Variants in NOX4 observed in about 807,000 individuals in gnomAD.
NOX4 encodes NADPH oxidase 4.
NOX4 carries 69 observed loss-of-function variants against 87.6 expected under a neutral mutation model. That is an observed-to-expected ratio of 0.79 (90% CI 0.65 to 0.96). NOX4 has a LOEUF of 0.96. Among genes scored for constraint, NOX4 ranks in the 40% least tolerant of loss-of-function variants. The probability of loss-of-function intolerance (pLI) is 0.00; values close to 1 mark genes in which losing one functional copy is unlikely to be tolerated. For missense variants in NOX4, 680 were observed against 681.5 expected (o/e 1.00, Z 0.02); for synonymous variants, 275 against 238.2 (o/e 1.15, Z -1.42).
chr11:89,584,399 C>T, the NOX4 span, among the ~76,000 whole-genome samples: 1 of 152,136 alleles, frequency 6.6e-6, no homozygotes, highest in Admixed American at 6.6e-5. Context: ...ACCAGTTTTG[C>T]ACCATAATCA....
chr11:89,339,211 A>G (rs12800812), intron 15 of NOX4, among the ~76,000 whole-genome samples: 2 of 152,158 alleles, frequency 1.3e-5, no homozygotes, highest in African/African-American at 4.8e-5. Flanking sequence ...AAACTAGATA[A>G]ATCTATACAA....
At chr11:89,585,780 A>G in the NOX4 span, among the ~76,000 whole-genome samples, 59 of 152,302 alleles carry the variant, frequency 3.9e-4, no homozygotes, top group Middle Eastern at 6.8e-3. Context: ...TGTATAAGTC[A>G]TCCTTTAACC....
chr11:89,550,872 C>T, the NOX4 span, among the ~76,000 whole-genome samples: 116 of 151,148 alleles, frequency 7.7e-4, 1 homozygote, highest in Admixed American at 1.9e-3. Context: ...TTGCCCATGC[C>T]CATGGTATTG....
upstream of NOX4, among the ~76,000 whole-genome samples, chr11:89,494,524 A>C (rs1235058954): frequency 6.6e-6 from 1 of 152,210 alleles, no homozygotes; most frequent in Admixed American, 6.5e-5. Context: ...CTCCATTTTT[A>C]TTCTAGGACT....
At chr11:89,473,990 T>A (rs2135451124) in intron 2 of NOX4, among the ~76,000 whole-genome samples, 1 of 152,284 alleles carries the variant, frequency 6.6e-6, no homozygotes, top group South Asian at 2.1e-4. Context: ...GATATATACA[T>A]GTTAAAGCAT....
In NOX4 at chr11:89,402,596, G is replaced by A. The variant is rs1209114993; in HGVS notation, c.630-54C>T. On this transcript the variant is annotated intron_variant, in intron 8 of 17. Coordinates refer to ENST00000263317, the MANE Select transcript of NOX4 (RefSeq NM_016931.5). Reference sequence around the variant, plus strand: ...GAGAAATGAAAAGATTTGAGATCAGGGGACACGGTAAAAGAAAATAATGTT... The same window carrying A: ...GAGAAATGAAAAGATTTGAGATCAGAGGACACGGTAAAAGAAAATAATGTT... 1.4e-5 allele frequency: 18 copies of A among 1,310,450 alleles called. No homozygotes were observed. The South Asian group carries it at 2.2e-4, about 16-fold the overall frequency. The allele number at this position is 1,310,450 out of a possible 1,614,324, so 81.2% of individuals were successfully genotyped here. A position where few individuals can be genotyped will look rare whatever the true frequency, so the allele number is the denominator to read the frequency against.
intron 6 of NOX4, among the ~76,000 whole-genome samples, chr11:89,433,704 T>C (rs1174477713): frequency 6.6e-6 from 1 of 152,106 alleles, no homozygotes; most frequent in Admixed American, 6.6e-5. Flanking sequence ...ATATTTCTCC[T>C]TAGTATGAAA....
chr11:89,474,455 T>C (rs1242720249), intron 2 of NOX4, among the ~76,000 whole-genome samples: 1 of 51,030 alleles, frequency 2.0e-5, no homozygotes. Flanking sequence ...TGATCTATAA[T>C]ACCAAAAAAA....
At chr11:89,520,162 T>C in the NOX4 span, among the ~76,000 whole-genome samples, 1 of 151,926 alleles carries the variant, frequency 6.6e-6, no homozygotes, top group Non-Finnish European at 1.5e-5. Flanking sequence ...AGAGGGATAT[T>C]GGGTACACAA....
intron 8 of NOX4, among the ~76,000 whole-genome samples, chr11:89,408,627 C>A (rs1260045532): frequency 6.6e-6 from 1 of 152,126 alleles, no homozygotes; most frequent in Non-Finnish European, 1.5e-5. Context: ...TCTTTCCTGG[C>A]TCTTGCCTTT....
intron 2 of NOX4, among the ~76,000 whole-genome samples, chr11:89,462,975 T>C (rs1195811001): frequency 1.3e-5 from 2 of 151,910 alleles, no homozygotes; most frequent in African/African-American, 2.4e-5. Flanking sequence ...AATACATAGA[T>C]GTAAATTACT....
rs893922787 is a variant in NOX4 at position 89,481,819 on chromosome 11, T to C, written c.153+8639A>G. Reference sequence around the variant, plus strand: ...AATGGACTAGAACAGTCCACAGTTCTACAGGCTCCTCTCCCTCCAGGCTGA... The same window carrying C: ...AATGGACTAGAACAGTCCACAGTTCCACAGGCTCCTCTCCCTCCAGGCTGA... On this transcript the variant is annotated intron_variant, in intron 2 of 17. Transcript: ENST00000263317. 3.9e-5 allele frequency among the ~76,000 whole-genome samples: 6 copies of C among 152,080 alleles called. 1 individual carries two copies. Among genetic ancestry groups the C allele is most frequent in the Admixed American group, 1.3e-4 (2 of 15,248 alleles).
At chr11:89,541,413 C>A in the NOX4 span, among the ~76,000 whole-genome samples, 467 of 152,284 alleles carry the variant, frequency 3.1e-3, no homozygotes, top group Admixed American at 7.8e-3. Flanking sequence ...TCCTTTCAGT[C>A]TCTTCCAACA....
At chr11:89,440,465 A>G (rs1944407263) in intron 6 of NOX4, among the ~76,000 whole-genome samples, 1 of 151,884 alleles carries the variant, frequency 6.6e-6, no homozygotes, top group Non-Finnish European at 1.5e-5. Context: ...GATTACAGGC[A>G]CTTGCCACCC....
chr11:89,426,620 C>T (rs1159978871), intron 7 of NOX4, among the ~76,000 whole-genome samples: 3 of 152,176 alleles, frequency 2.0e-5, no homozygotes, highest in African/African-American at 4.8e-5. Context: ...GAACCTCACT[C>T]GTTGCTAGCA....
At chr11:89,583,134 C>G in the NOX4 span, among the ~76,000 whole-genome samples, 1 of 151,966 alleles carries the variant, frequency 6.6e-6, no homozygotes, top group Admixed American at 6.6e-5. Flanking sequence ...ACATTACAAA[C>G]AATGGCCAAA....
At chr11:89,420,302 G>C (rs987963370) in intron 8 of NOX4, among the ~76,000 whole-genome samples, 2 of 152,138 alleles carry the variant, frequency 1.3e-5, no homozygotes, top group African/African-American at 4.8e-5. Flanking sequence ...CATAGAGTAA[G>C]CATTATGTAA....
intron 12 of NOX4, among the ~76,000 whole-genome samples, chr11:89,366,985 T>C (rs1315985630): frequency 6.6e-6 from 1 of 152,138 alleles, no homozygotes; most frequent in Non-Finnish European, 1.5e-5. Context: ...GTAGTACACA[T>C]ATAATGTGCC....
intron 2 of NOX4, among the ~76,000 whole-genome samples, chr11:89,456,676 C>A (rs1945214766): frequency 1.3e-5 from 2 of 152,124 alleles, no homozygotes; most frequent in Admixed American, 1.3e-4. Context: ...CAGGAATCCC[C>A]AAAAATCCTG....
Sources: allele counts gnomAD v4.1 joint callset (sites outside exome capture counted in the v4.1 genomes callset), GRCh38; gene constraint gnomAD v4.1.1; transcripts MANE v1.5; gene names NCBI Gene and HGNC (gene_info 2026-07-23, HGNC 2026-07-21).